Variants in TRABD2B observed in about 807,000 individuals in gnomAD.
TRABD2B encodes metalloprotease TIKI2.
In TRABD2B, 14 loss-of-function variants were observed where a neutral mutation model predicts 40.1. The observed-to-expected ratio is 0.35, with a 90% CI of 0.23 to 0.55. The LOEUF (loss-of-function observed/expected upper bound fraction) is 0.55. Ranked by LOEUF, TRABD2B falls within the 20% of genes least tolerant of loss-of-function variation. The pLI is 0.90. For missense variants in TRABD2B, 541 were observed against 648.6 expected (o/e 0.83, Z 1.80); for synonymous variants, 263 against 277.0 (o/e 0.95, Z 0.50).
intron 4 of TRABD2B, among the ~76,000 whole-genome samples, chr1:47,785,630 G>T (rs943774467): frequency 1.3e-5 from 2 of 152,242 alleles, no homozygotes; most frequent in Non-Finnish European, 2.9e-5. Flanking sequence ...TCAAGCCCAG[G>T]CATGGCACGG....
At chr1:47,896,188 A>C (rs528232896) in intron 2 of TRABD2B, among the ~76,000 whole-genome samples, 2 of 152,316 alleles carry the variant, frequency 1.3e-5, no homozygotes, top group African/African-American at 4.8e-5. Flanking sequence ...CCCAGGAAGG[A>C]CCTCACGTCA....
At chr1:47,980,954 G>A (rs546098652) in intron 2 of TRABD2B, among the ~76,000 whole-genome samples, 77 of 152,126 alleles carry the variant, frequency 5.1e-4, no homozygotes, top group Non-Finnish European at 9.9e-4. Context: ...AAGGGCTGTC[G>A]CCTCTACTCT....
At position 47,879,256 on chromosome 1, in the gene TRABD2B, C is replaced by T. The variant is rs534531344; in HGVS notation, c.667-77637G>A. On this transcript the variant is annotated intron_variant, in intron 2 of 6. Transcript: ENST00000606738. ...TAAATATATAATCAGGTGCCACATA[C>T]TGATGTTTTTGTTCAATACAGTCCA... Among the ~76,000 whole-genome samples, 2 of 152,244 alleles carry T rather than the reference C, an allele frequency of 1.3e-5. 1 individual carries two copies. Among genetic ancestry groups the T allele is most frequent in the African/African-American group, 4.8e-5 (2 of 41,532 alleles).
chr1:47,916,700 T>C (rs1379229097), intron 2 of TRABD2B, among the ~76,000 whole-genome samples: 2 of 152,328 alleles, frequency 1.3e-5, no homozygotes, highest in East Asian at 3.9e-4. Flanking sequence ...CTGCAGGACA[T>C]GGGCCAGCAG....
intron 2 of TRABD2B, among the ~76,000 whole-genome samples, chr1:47,931,216 T>C (rs1645035850): frequency 6.6e-6 from 1 of 152,234 alleles, no homozygotes; most frequent in Non-Finnish European, 1.5e-5. Flanking sequence ...TTAGGATTCC[T>C]TCTTTTTTAA....
chr1:47,804,959 G>A (rs1342655018), intron 2 of TRABD2B, among the ~76,000 whole-genome samples: 2 of 152,226 alleles, frequency 1.3e-5, no homozygotes, highest in Non-Finnish European at 2.9e-5. Flanking sequence ...ATGTCTCCCT[G>A]CAGCAGGGAC....
At chr1:47,910,646 AG>A (rs1644750407) in intron 2 of TRABD2B, among the ~76,000 whole-genome samples, 1 of 152,180 alleles carries the variant, frequency 6.6e-6, no homozygotes, top group African/African-American at 2.4e-5. Flanking sequence ...AGAGTGTAGT[AG>A]TTAGAAAAAG....
intron 2 of TRABD2B, among the ~76,000 whole-genome samples, chr1:47,817,657 C>T (rs889057350): frequency 1.3e-5 from 2 of 152,146 alleles, no homozygotes; most frequent in Admixed American, 6.5e-5. Context: ...TGGGGGAGCC[C>T]AACTCCACCC....
intron 2 of TRABD2B, among the ~76,000 whole-genome samples, chr1:47,875,598 C>T (rs1417087336): frequency 1.5e-5 from 2 of 137,304 alleles, no homozygotes; most frequent in African/African-American, 5.4e-5. Context: ...GAGGTGGGGG[C>T]ATCACTTAAG....
chr1:47,910,853 C>A (rs747522724), intron 2 of TRABD2B, among the ~76,000 whole-genome samples: 6 of 152,196 alleles, frequency 3.9e-5, no homozygotes, highest in Non-Finnish European at 5.9e-5. Flanking sequence ...CCAGAAGAGA[C>A]CCCATTTCTC....
At chr1:47,991,154 A>G (rs1646005648) in intron 2 of TRABD2B, among the ~76,000 whole-genome samples, 2 of 152,032 alleles carry the variant, frequency 1.3e-5, no homozygotes, top group Non-Finnish European at 2.9e-5. Flanking sequence ...CTTCATACAG[A>G]GTCAGGCTGA....
At chr1:47,792,480 A>G (rs1644688304) in intron 4 of TRABD2B, among the ~76,000 whole-genome samples, 2 of 152,072 alleles carry the variant, frequency 1.3e-5, no homozygotes, top group South Asian at 4.2e-4. Context: ...GCATGGACAG[A>G]ATGGATGGGT....
At chr1:47,932,243 T>C (rs768372916) in intron 2 of TRABD2B, among the ~76,000 whole-genome samples, 3 of 152,194 alleles carry the variant, frequency 2.0e-5, no homozygotes, top group Non-Finnish European at 4.4e-5. Context: ...ATCAGTGGAA[T>C]GCCAACATGG....
intron 2 of TRABD2B, among the ~76,000 whole-genome samples, chr1:47,958,602 A>G (rs989483914): frequency 4.5e-4 from 68 of 151,058 alleles, no homozygotes; most frequent in Non-Finnish European, 9.0e-4. Flanking sequence ...CAAAGATCAA[A>G]AGAGACAAAG....
intron 2 of TRABD2B, among the ~76,000 whole-genome samples, chr1:47,836,021 T>G (rs897292285): frequency 6.6e-6 from 1 of 152,202 alleles, no homozygotes; most frequent in Non-Finnish European, 1.5e-5. Flanking sequence ...ATGACAATAA[T>G]GGCACAAAGG....
At chr1:47,975,490 G>A (rs969228154) in intron 2 of TRABD2B, among the ~76,000 whole-genome samples, 3 of 152,182 alleles carry the variant, frequency 2.0e-5, no homozygotes, top group African/African-American at 4.8e-5. Context: ...TTGTGCACCT[G>A]AAACATTGTA....
intron 2 of TRABD2B, among the ~76,000 whole-genome samples, chr1:47,850,203 G>T (rs1048590829): frequency 2.0e-5 from 3 of 152,226 alleles, no homozygotes; most frequent in Non-Finnish European, 4.4e-5. Flanking sequence ...TCTCACAGGA[G>T]CTGGCCCAGT....
chr1:47,855,908 A>G (rs577721050), intron 2 of TRABD2B, among the ~76,000 whole-genome samples: 9 of 152,224 alleles, frequency 5.9e-5, no homozygotes, highest in Non-Finnish European at 1.0e-4. Context: ...AGAGAAATCA[A>G]TATCTGTTAT....
intron 2 of TRABD2B, among the ~76,000 whole-genome samples, chr1:47,826,277 T>G (rs1645172819): frequency 1.3e-5 from 2 of 152,192 alleles, no homozygotes; most frequent in Admixed American, 1.3e-4. Context: ...ACCATTGTGT[T>G]TGGTTGTGGT....
Sources: gnomAD v4.1 joint callset for allele counts (sites outside exome capture counted in the v4.1 genomes callset) on GRCh38, gnomAD v4.1.1 for gene constraint, MANE v1.5 for transcripts, NCBI Gene and HGNC (gene_info 2026-07-23, HGNC 2026-07-21) for gene names.